RBMS3: variants seen among roughly 807,000 people sequenced by gnomAD.
The protein encoded by RBMS3 is RNA binding motif single stranded interacting protein 3, also known as RNA-binding motif, single-stranded-interacting protein 3.
A neutral mutation model predicts 66.8 loss-of-function variants in RBMS3; 27 were observed. The observed-to-expected ratio is 0.40, with a 90% CI of 0.30 to 0.56. The LOEUF (loss-of-function observed/expected upper bound fraction) is 0.56. Ranked by LOEUF, RBMS3 falls within the 20% of genes least tolerant of loss-of-function variation. The probability of loss-of-function intolerance (pLI) is 0.40; values close to 1 mark genes in which losing one functional copy is unlikely to be tolerated. For synonymous variants in RBMS3, 188 were observed against 183.0 expected (o/e 1.03, Z -0.22); for missense variants, 513 against 549.5 (o/e 0.93, Z 0.66).
At chr3:29,363,571 C>G (rs768034364) in intron 1 of RBMS3, among the ~76,000 whole-genome samples, 7 of 152,212 alleles carry the variant, frequency 4.6e-5, no homozygotes, top group African/African-American at 1.7e-4. Context: ...GGTGGATCAC[C>G]TGAGATCAGG....
In RBMS3 at chr3:29,988,238, G is replaced by C; in HGVS notation, c.1179+15G>C. 1.3e-6 allele frequency: 2 copies of C among 1,577,880 alleles called. No homozygotes were observed. Among genetic ancestry groups the C allele is most frequent in the Non-Finnish European group, 8.7e-7 (1 of 1,148,544 alleles). Reference sequence around the variant, plus strand: ...TTTCTATTGAAGTAAGTCTACCCCTGTCTAATAAAGAGGTTAGAAGAAATA... The same window carrying C: ...TTTCTATTGAAGTAAGTCTACCCCTCTCTAATAAAGAGGTTAGAAGAAATA... On this transcript the variant is annotated intron_variant, in intron 13 of 14. Coordinates refer to ENST00000383767, the MANE Select transcript of RBMS3 (RefSeq NM_001003793.3).
intron 4 of RBMS3, among the ~76,000 whole-genome samples, chr3:29,716,213 A>G (rs2053386787): frequency 1.3e-5 from 2 of 152,154 alleles, no homozygotes; most frequent in Non-Finnish European, 2.9e-5. Context: ...TAATAATTCT[A>G]CTGCTAGAAA....
chr3:29,436,939 A>G (rs982628028), intron 2 of RBMS3, among the ~76,000 whole-genome samples: 2 of 152,220 alleles, frequency 1.3e-5, no homozygotes, highest in African/African-American at 4.8e-5. Flanking sequence ...GGTAGTTGAG[A>G]TGGAATTTTG....
At chr3:29,386,642 C>T (rs566070402) in intron 1 of RBMS3, among the ~76,000 whole-genome samples, 1 of 152,238 alleles carries the variant, frequency 6.6e-6, no homozygotes, top group South Asian at 2.1e-4. Context: ...TTATTTCTAC[C>T]AGCATACAGA....
chr3:29,988,605 T>C (rs1698598176), intron 13 of RBMS3, among the ~76,000 whole-genome samples: 2 of 152,154 alleles, frequency 1.3e-5, no homozygotes, highest in South Asian at 4.1e-4. Context: ...ACCAGCATCA[T>C]TGGTATCCCT....
At chr3:29,380,575 T>C (rs2038716185) in intron 1 of RBMS3, among the ~76,000 whole-genome samples, 1 of 152,204 alleles carries the variant, frequency 6.6e-6, no homozygotes, top group South Asian at 2.1e-4. Context: ...TTTGTTACCA[T>C]TTCATAGATA....
intron 3 of RBMS3, among the ~76,000 whole-genome samples, chr3:29,548,599 TA>T (rs2046064592): frequency 6.6e-6 from 1 of 151,908 alleles, no homozygotes; most frequent in Non-Finnish European, 1.5e-5. Flanking sequence ...CAGTACTTTA[TA>T]AGAAAAAGGA....
chr3:29,323,487 T>A (rs1269951055), intron 1 of RBMS3, among the ~76,000 whole-genome samples: 1 of 152,144 alleles, frequency 6.6e-6, no homozygotes, highest in Non-Finnish European at 1.5e-5. Context: ...GAAATTTAAA[T>A]CTATGTTATT....
chr3:29,877,593 T>C (rs1426884335), intron 7 of RBMS3, among the ~76,000 whole-genome samples: 1 of 152,174 alleles, frequency 6.6e-6, no homozygotes, highest in Admixed American at 6.5e-5. Context: ...ATGATCTTAT[T>C]TGTAGTTCAT....
intron 4 of RBMS3, among the ~76,000 whole-genome samples, chr3:29,736,287 A>G (rs1416563291): frequency 6.6e-6 from 1 of 152,216 alleles, no homozygotes; most frequent in African/African-American, 2.4e-5. Context: ...CCAATGTGCT[A>G]CTGTCTCTGT....
chr3:29,579,805 C>T (rs573204880), intron 3 of RBMS3, among the ~76,000 whole-genome samples: 3 of 152,280 alleles, frequency 2.0e-5, no homozygotes, highest in African/African-American at 4.8e-5. Flanking sequence ...GTACGCTGCT[C>T]CTTAATCTGT....
chr3:29,864,856 AG>A (rs201230398), intron 6 of RBMS3, among the ~76,000 whole-genome samples: 2,339 of 139,256 alleles, frequency 0.017, 32 homozygotes, highest in Non-Finnish European at 0.028. Flanking sequence ...GGGAAAGGGA[AG>A]GGGAAGGGGA....
At chr3:29,514,786 A>G (rs1479641382) in intron 3 of RBMS3, among the ~76,000 whole-genome samples, 1 of 150,246 alleles carries the variant, frequency 6.7e-6, no homozygotes, top group Non-Finnish European at 1.5e-5. Context: ...ATATATATAT[A>G]TGATAGGCAT....
intron 6 of RBMS3, among the ~76,000 whole-genome samples, chr3:29,866,321 A>G (rs2059363598): frequency 6.6e-6 from 1 of 152,114 alleles, no homozygotes; most frequent in African/African-American, 2.4e-5. Context: ...AACAACAAAA[A>G]CTTACCTGTG....
chr3:29,378,507 A>G (rs2038602673), intron 1 of RBMS3, among the ~76,000 whole-genome samples: 1 of 150,134 alleles, frequency 6.7e-6, no homozygotes, highest in African/African-American at 2.5e-5. Context: ...AACAAAAAAC[A>G]ACTGTCTATT....
intron 2 of RBMS3, among the ~76,000 whole-genome samples, chr3:29,453,018 C>T (rs2042064724): frequency 6.6e-6 from 1 of 152,076 alleles, no homozygotes; most frequent in Non-Finnish European, 1.5e-5. Flanking sequence ...TGTAATCTTG[C>T]TATTAATATG....
intron 4 of RBMS3, among the ~76,000 whole-genome samples, chr3:29,613,621 T>C (rs187166088): frequency 6.6e-6 from 1 of 152,146 alleles, no homozygotes; most frequent in East Asian, 1.9e-4. Context: ...ATCCAAAATA[T>C]ATAAGAAGCT....
At chr3:29,913,321 G>A (rs1057356371) in intron 10 of RBMS3, among the ~76,000 whole-genome samples, 13 of 151,980 alleles carry the variant, frequency 8.6e-5, no homozygotes, top group African/African-American at 3.1e-4. Flanking sequence ...ATCTGCACTT[G>A]AGAAATGACA....
At chr3:29,882,162 C>T (rs1020222228) in intron 7 of RBMS3, among the ~76,000 whole-genome samples, 2 of 151,974 alleles carry the variant, frequency 1.3e-5, no homozygotes, top group African/African-American at 4.8e-5. Context: ...TGCCTGAGAC[C>T]AGAGAGTTTC....
Sources: allele counts gnomAD v4.1 joint callset (sites outside exome capture counted in the v4.1 genomes callset), GRCh38; gene constraint gnomAD v4.1.1; transcripts MANE v1.5; gene names NCBI Gene and HGNC (gene_info 2026-07-23, HGNC 2026-07-21).